The following FYN variants were observed in gnomAD, a reference collection of about 807,000 sequenced individuals.
FYN encodes the protein tyrosine-protein kinase Fyn.
FYN carries 10 observed loss-of-function variants against 70.2 expected under a neutral mutation model. The observed-to-expected ratio is 0.14, with a 90% CI of 0.09 to 0.24. FYN has a LOEUF of 0.24. Ranked by LOEUF, FYN falls within the 10% of genes least tolerant of loss-of-function variation. The pLI is 1.00. For synonymous variants in FYN, 236 were observed against 248.6 expected, an observed-to-expected ratio of 0.95 and a Z score of 0.48; for missense variants, 319 against 673.1, an observed-to-expected ratio of 0.47 and a Z score of 5.82.
chr6:111,795,510 C>G (rs1490047918), intron 2 of FYN, among the ~76,000 whole-genome samples: 1 of 152,176 alleles, frequency 6.6e-6, no homozygotes, highest in South Asian at 2.1e-4. Context: ...AGGAATCACA[C>G]AGAGCATTAT....
intron 2 of FYN, among the ~76,000 whole-genome samples, chr6:111,820,747 A>T (rs765338097): frequency 6.6e-6 from 1 of 150,596 alleles, no homozygotes; most frequent in East Asian, 1.9e-4. Context: ...GCATAATTAT[A>T]AAAAAAAATG....
intron 13 of FYN, among the ~76,000 whole-genome samples, chr6:111,670,652 G>A (rs760636088): frequency 4.6e-5 from 7 of 150,850 alleles, no homozygotes; most frequent in Non-Finnish European, 8.8e-5. Context: ...ACGTTTTCTA[G>A]GATTTATCTG....
intron 1 of FYN, among the ~76,000 whole-genome samples, chr6:111,850,481 G>A (rs1773655268): frequency 6.6e-6 from 1 of 152,240 alleles, no homozygotes; most frequent in Non-Finnish European, 1.5e-5. Context: ...CGTACGTGGA[G>A]TGATGTCAGT....
chr6:111,720,880 G>A (rs961599264), intron 3 of FYN, among the ~76,000 whole-genome samples: 6 of 151,976 alleles, frequency 3.9e-5, no homozygotes, highest in African/African-American at 1.5e-4. Context: ...TCTTCTCCCA[G>A]GCTCCTCATC....
intron 4 of FYN, among the ~76,000 whole-genome samples, chr6:111,718,543 G>A (rs1320537171): frequency 1.3e-5 from 2 of 152,162 alleles, no homozygotes; most frequent in African/African-American, 4.8e-5. Context: ...AAGGACAATG[G>A]CTGTGTCAGT....
chr6:111,743,198 C>G (rs556701470), intron 3 of FYN, among the ~76,000 whole-genome samples: 87 of 152,274 alleles, frequency 5.7e-4, no homozygotes, highest in African/African-American at 2.0e-3. Context: ...AACTCCTGAC[C>G]TCGTGATCTG....
At chr6:111,806,454 T>C (rs1234867349) in intron 2 of FYN, among the ~76,000 whole-genome samples, 1 of 152,206 alleles carries the variant, frequency 6.6e-6, no homozygotes, top group Non-Finnish European at 1.5e-5. Flanking sequence ...CGGTCCAAGA[T>C]GACCCTTCAC....
intron 3 of FYN, among the ~76,000 whole-genome samples, chr6:111,777,172 C>T (rs945883774): frequency 2.0e-5 from 3 of 152,132 alleles, no homozygotes; most frequent in Admixed American, 6.5e-5. Flanking sequence ...CTTTAGTTGA[C>T]CGTCATTCTG....
At position 111,779,949 on chromosome 6, in the gene FYN, A is replaced by C. The variant is rs569180676; in HGVS notation, c.-12+617T>G. On this transcript the variant is annotated intron_variant, in intron 3 of 13. Transcript: ENST00000354650. ...AGCCTCATTTTACAGAAGAAGAAAC[A>C]GGCTCAGAGAGGTTATCTAACAACC... 2.6e-4 allele frequency among the ~76,000 whole-genome samples: 39 copies of C among 152,342 alleles called. 1 individual carries two copies. The South Asian group carries it at 5.0e-3, about 19-fold the overall frequency.
chr6:111,793,113 AAAAAGCACAGC>A (rs1242162936), intron 2 of FYN, among the ~76,000 whole-genome samples: 1 of 152,244 alleles, frequency 6.6e-6, no homozygotes, highest in Non-Finnish European at 1.5e-5. Flanking sequence ...ATCGAAAGCA[AAAAAGCACAGC>A]AATTTAATTT....
chr6:111,694,280 C>G lies in FYN; in HGVS notation c.1273+95G>C. ...TGAAGAATGACATTTCAAGTATTTTCTGAAGGAAGGGAAGGGAAGGAGGAA... is the reference window on the plus strand; with the variant it reads ...TGAAGAATGACATTTCAAGTATTTTGTGAAGGAAGGGAAGGGAAGGAGGAA... On this transcript the variant is annotated intron_variant, in intron 12 of 13. Coordinates refer to ENST00000354650, the MANE Select transcript of FYN (RefSeq NM_002037.5). This position sits in a 1 kb window ranked among gnomAD's most constrained non-coding sequence, Gnocchi z 5.0. The G allele has an allele frequency of 6.8e-7, 1 of 1,471,598 alleles. No homozygotes were observed. The highest frequency in any genetic ancestry group is 9.3e-7 in the Non-Finnish European group (1 of 1,072,168). The allele number at this position is 1,471,598 out of a possible 1,614,324, so 91.2% of individuals were successfully genotyped here. A position where few individuals can be genotyped will look rare whatever the true frequency, so the allele number is the denominator to read the frequency against.
chr6:111,822,480 T>C (rs1327856421), intron 2 of FYN, among the ~76,000 whole-genome samples: 7 of 149,790 alleles, frequency 4.7e-5, no homozygotes, highest in Non-Finnish European at 8.9e-5. Context: ...GGGCCTGTTG[T>C]GGGGTGGGGG....
intron 3 of FYN, among the ~76,000 whole-genome samples, chr6:111,766,409 G>A (rs768310270): frequency 4.1e-4 from 63 of 152,308 alleles, no homozygotes; most frequent in Admixed American, 1.2e-3. Flanking sequence ...GGGTTGGAAA[G>A]CAGGCAGATT....
rs546293538 is a variant in FYN, at chr6:111,829,699, C to T, written c.-82+16890G>A. 9.2e-5 allele frequency among the ~76,000 whole-genome samples: 14 copies of T among 152,304 alleles called. No homozygotes were observed. The South Asian group carries it at 1.7e-3, about 18-fold the overall frequency. ...CAAGTTATTTAGCTTCCCTGACTTG[C>T]GGCTTGTTCAGCTGTCGGATGATGT... On this transcript the variant is annotated intron_variant, in intron 2 of 13. Coordinates refer to ENST00000354650, the MANE Select transcript of FYN (RefSeq NM_002037.5).
At chr6:111,803,911 T>A (rs1772067243) in intron 2 of FYN, among the ~76,000 whole-genome samples, 1 of 152,096 alleles carries the variant, frequency 6.6e-6, no homozygotes, top group Non-Finnish European at 1.5e-5. Flanking sequence ...ACCAAAAAAA[T>A]ATCCATAGTG....
intron 1 of FYN, among the ~76,000 whole-genome samples, chr6:111,856,082 G>A (rs1285376941): frequency 6.6e-6 from 1 of 152,066 alleles, no homozygotes; most frequent in Non-Finnish European, 1.5e-5. Flanking sequence ...CATTTGAAAG[G>A]ACCACAGAGA....
chr6:111,773,056 T>C (rs937641752), intron 3 of FYN, among the ~76,000 whole-genome samples: 1 of 151,076 alleles, frequency 6.6e-6, no homozygotes, highest in Non-Finnish European at 1.5e-5. Flanking sequence ...AGATGTTTGG[T>C]ACTTTTAAAT....
intron 2 of FYN, among the ~76,000 whole-genome samples, chr6:111,807,741 T>A (rs1167076926): frequency 6.6e-6 from 1 of 152,154 alleles, no homozygotes; most frequent in African/African-American, 2.4e-5. Context: ...ACCTGCATTT[T>A]CATAACTTCC....
intron 3 of FYN, among the ~76,000 whole-genome samples, chr6:111,745,353 G>C (rs957331835): frequency 6.6e-6 from 1 of 152,212 alleles, no homozygotes; most frequent in Admixed American, 6.5e-5. Flanking sequence ...GCTTGGGCAT[G>C]TGACTCATCC....
Sources: gnomAD v4.1 joint callset for allele counts (sites outside exome capture counted in the v4.1 genomes callset) on GRCh38, gnomAD v4.1.1 for gene constraint, Gnocchi (gnomAD v3.1) non-coding constraint, MANE v1.5 for transcripts, NCBI Gene and HGNC (gene_info 2026-07-23, HGNC 2026-07-21) for gene names.